MTUS2: variants seen among roughly 807,000 people sequenced by gnomAD.
The protein encoded by MTUS2 is microtubule-associated tumor suppressor candidate 2.
A neutral mutation model predicts 114.1 loss-of-function variants in MTUS2; 40 were observed. That is an observed-to-expected ratio of 0.35 (90% CI 0.27 to 0.46). The LOEUF (loss-of-function observed/expected upper bound fraction) is 0.46, where lower values mean the gene tolerates loss of function less well. MTUS2 is among the 20% of genes least tolerant of loss of function. MTUS2 has a pLI of 1.00. For missense variants in MTUS2, 1,679 were observed against 1,705.4 expected (o/e 0.98, Z 0.27); for synonymous variants, 688 against 672.0 (o/e 1.02, Z -0.37).
intron 7 of MTUS2, among the ~76,000 whole-genome samples, chr13:29,325,974 T>C (rs952624086): frequency 1.3e-5 from 2 of 152,234 alleles, no homozygotes; most frequent in Non-Finnish European, 2.9e-5. Flanking sequence ...AGAGAACTTA[T>C]TAAAATTGCT....
At chr13:28,935,258 T>C (rs778641369) in intron 2 of MTUS2, among the ~76,000 whole-genome samples, 2 of 152,186 alleles carry the variant, frequency 1.3e-5, no homozygotes, top group African/African-American at 2.4e-5. Context: ...GATGTTGTTA[T>C]GAACATTTTT....
chr13:28,937,808 T>C (rs2138117632), intron 2 of MTUS2, among the ~76,000 whole-genome samples: 1 of 152,248 alleles, frequency 6.6e-6, no homozygotes, highest in South Asian at 2.1e-4. Context: ...CTGGCTCCTG[T>C]GGCTGGTGGG....
intron 2 of MTUS2, among the ~76,000 whole-genome samples, chr13:28,883,011 A>C (rs897279442): frequency 6.6e-6 from 1 of 152,228 alleles, no homozygotes; most frequent in Non-Finnish European, 1.5e-5. Context: ...CAGACATTTC[A>C]GTGAGTAGGA....
chr13:29,263,834 C>T (rs1211542194), intron 5 of MTUS2, among the ~76,000 whole-genome samples: 1 of 152,198 alleles, frequency 6.6e-6, no homozygotes, highest in African/African-American at 2.4e-5. Context: ...CTGGGGATTA[C>T]ATTTCAACAT....
intron 2 of MTUS2, among the ~76,000 whole-genome samples, chr13:28,844,590 A>AGTGTGTGT (rs60819520): frequency 0.023 from 3,410 of 148,146 alleles, 63 homozygotes; most frequent in East Asian, 0.033. Flanking sequence ...TTTGTGTGTG[A>AGTGTGTGT]GTGTGTGTGT....
At chr13:29,226,237 A>T (rs1252368346) in intron 5 of MTUS2, among the ~76,000 whole-genome samples, 1 of 152,214 alleles carries the variant, frequency 6.6e-6, no homozygotes, top group Non-Finnish European at 1.5e-5. Context: ...AAAAGATGAA[A>T]ATGGAATAAA....
intron 9 of MTUS2, among the ~76,000 whole-genome samples, chr13:29,449,319 A>G (rs1878519173): frequency 6.6e-6 from 1 of 152,212 alleles, no homozygotes; most frequent in South Asian, 2.1e-4. Context: ...GTATGCTCTC[A>G]TTTATGACTA....
Position 29,359,327 on chromosome 13 carries a change from C to G in MTUS2, c.2971C>G (p.Arg991Gly). 2 of 1,611,140 alleles carry G rather than the reference C, an allele frequency of 1.2e-6. No individual in the cohort carries two copies. Among genetic ancestry groups the G allele is most frequent in the Non-Finnish European group, 1.7e-6 (2 of 1,178,848 alleles). Residue 991 changes from arginine to glycine, a missense_variant, in exon 8 of 16, where the codon CGT becomes GGT. Transcript: ENST00000612955. ...GFPPKPDPQAREAERQLVLRL... is the reference protein window; with the variant it reads ...GFPPKPDPQAGEAERQLVLRL... ...TCCGCCCAAGCCGGACCCGCAGGCC[C>G]GTGAGGCTGAGCGGCAGCTGGTGCT...
chr13:29,081,645 A>C (rs1398367940), intron 4 of MTUS2, among the ~76,000 whole-genome samples: 1 of 152,036 alleles, frequency 6.6e-6, no homozygotes, highest in Non-Finnish European at 1.5e-5. Context: ...CACCAACCTA[A>C]TAGATAAGGA....
At chr13:29,032,448 C>T (rs982322504) in intron 3 of MTUS2, among the ~76,000 whole-genome samples, 1 of 151,636 alleles carries the variant, frequency 6.6e-6, no homozygotes, top group Admixed American at 6.6e-5. Flanking sequence ...GCAATGGGAC[C>T]CAAAATTTAG....
chr13:28,928,253 C>T (rs763925937), intron 2 of MTUS2, among the ~76,000 whole-genome samples: 7 of 151,718 alleles, frequency 4.6e-5, no homozygotes, highest in Non-Finnish European at 7.4e-5. Context: ...AACAGACAAA[C>T]GGGATTACAG....
chr13:29,370,898 G>A (rs1871136299), intron 8 of MTUS2, among the ~76,000 whole-genome samples: 1 of 152,158 alleles, frequency 6.6e-6, no homozygotes, highest in Non-Finnish European at 1.5e-5. Flanking sequence ...TTTCAGACAA[G>A]GCAGACTGTA....
At chr13:29,125,770 T>C (rs1891489542) in intron 5 of MTUS2, among the ~76,000 whole-genome samples, 1 of 152,210 alleles carries the variant, frequency 6.6e-6, no homozygotes, top group Admixed American at 6.5e-5. Context: ...CCCAGAGGAC[T>C]TCTTTTTGGT....
intron 2 of MTUS2, among the ~76,000 whole-genome samples, chr13:28,932,287 G>A (rs1047955099): frequency 5.3e-5 from 8 of 152,206 alleles, no homozygotes; most frequent in African/African-American, 9.6e-5. Flanking sequence ...TTGCTGAATG[G>A]TGGGAAATAA....
intron 8 of MTUS2, among the ~76,000 whole-genome samples, chr13:29,385,203 A>G (rs1203801906): frequency 6.6e-6 from 1 of 152,188 alleles, no homozygotes; most frequent in Non-Finnish European, 1.5e-5. Context: ...CTACCACAAT[A>G]CCAGCACAAC....
At position 29,503,979 on chromosome 13, in the gene MTUS2, A is replaced by C. The variant is rs1883076000; in HGVS notation, c.*773A>C. The stretch of plus-strand genomic sequence containing the variant: ...CTAAGGGGGTTTAGCAGTTTTGCAG[A>C]TGTTACCCATGACAGTGACTCATCT... On this transcript the variant is annotated 3_prime_UTR_variant, in exon 16 of 16. Transcript: ENST00000612955. 1 of 231,362 alleles carries C rather than the reference A, an allele frequency of 4.3e-6. No homozygotes were observed. The highest frequency in any genetic ancestry group is 1.8e-4 in the South Asian group (1 of 5,522). The allele number at this position is 231,362 out of a possible 1,614,324, so 14.3% of individuals were successfully genotyped here.
chr13:28,880,639 C>G (rs1302418299), intron 2 of MTUS2, among the ~76,000 whole-genome samples: 1 of 152,228 alleles, frequency 6.6e-6, no homozygotes, highest in Non-Finnish European at 1.5e-5. Context: ...AAAACCTAGT[C>G]ATCACTAGTC....
At chr13:29,074,691 A>G (rs1565994327) in intron 4 of MTUS2, among the ~76,000 whole-genome samples, 1 of 152,112 alleles carries the variant, frequency 6.6e-6, no homozygotes, top group East Asian at 1.9e-4. Flanking sequence ...TTAGTCACCT[A>G]TCTCCTGGGT....
At chr13:29,489,135 A>G (rs943833867) in intron 11 of MTUS2, among the ~76,000 whole-genome samples, 3 of 152,106 alleles carry the variant, frequency 2.0e-5, no homozygotes, top group Non-Finnish European at 4.4e-5. Context: ...AAATACAAAA[A>G]TTAGCCAGGC....
Sources: allele counts gnomAD v4.1 joint callset (sites outside exome capture counted in the v4.1 genomes callset), GRCh38; gene constraint gnomAD v4.1.1; transcripts MANE v1.5; gene names NCBI Gene and HGNC (gene_info 2026-07-23, HGNC 2026-07-21).